The following CLGN variants were observed in gnomAD, a reference collection of about 807,000 sequenced individuals.
CLGN encodes the protein calmegin.
A neutral mutation model predicts 79.1 loss-of-function variants in CLGN; 62 were observed. The ratio of observed to expected loss-of-function variants is 0.78; its 90% CI spans 0.64 to 0.97. The LOEUF (loss-of-function observed/expected upper bound fraction) is 0.97. Ranked by LOEUF, CLGN falls within the 50% of genes least tolerant of loss-of-function variation. CLGN has a pLI of 0.00. For missense variants in CLGN, 647 were observed against 715.5 expected, an observed-to-expected ratio of 0.90 and a Z score of 1.09; for synonymous variants, 225 against 224.7, an observed-to-expected ratio of 1.00 and a Z score of -0.01.
intron 14 of CLGN, 91 bp from the exon 15 acceptor site, chr4:140,389,395 T>C (rs1728733181): frequency 2.2e-6 from 2 of 909,074 alleles, no homozygotes; most frequent in South Asian, 2.9e-5. Flanking sequence ...CTCTAAAATA[T>C]ATGTGCTATC....
intron 8 of CLGN, among the ~76,000 whole-genome samples, chr4:140,398,430 C>T (rs952376008): frequency 1.1e-4 from 17 of 151,758 alleles, no homozygotes; most frequent in African/African-American, 3.6e-4. Flanking sequence ...CCGCCATGCC[C>T]GCTAATTTTT....
intron 6 of CLGN, 145 bp downstream of exon 6, chr4:140,401,840 A>G: frequency 1.9e-6 from 1 of 523,474 alleles, no homozygotes; most frequent in Non-Finnish European, 3.3e-6. Context: ...GGCGAATTGT[A>G]AGAGCTATGT....
chr4:140,391,906 C>T (rs1019875585), intron 13 of CLGN, among the ~76,000 whole-genome samples: 2 of 151,800 alleles, frequency 1.3e-5, no homozygotes, highest in South Asian at 4.1e-4. Context: ...TATCACCCTC[C>T]ATCTCATCTT....
At chr4:140,419,068 T>C (rs992575833) in intron 1 of CLGN, among the ~76,000 whole-genome samples, 20 of 151,888 alleles carry the variant, frequency 1.3e-4, no homozygotes, top group African/African-American at 3.4e-4. Flanking sequence ...ATGGATGAAA[T>C]TGGAAAACAT....
chr4:140,390,518 A>G, intron 14 of CLGN, 110 bp downstream of exon 14: 1 of 599,866 alleles, frequency 1.7e-6, no homozygotes, highest in Non-Finnish European at 2.8e-6. Context: ...CTCTTATAAA[A>G]GCTGAGAGAA....
intron 14 of CLGN, 146 bp downstream of exon 14, chr4:140,390,482 G>T (rs893313445): frequency 2.0e-5 from 9 of 440,010 alleles, no homozygotes; most frequent in African/African-American, 1.4e-4. Flanking sequence ...CTTCCTTATG[G>T]ATATGTTTTA....
chr4:140,404,172 C>A (rs1386451898), intron 5 of CLGN, among the ~76,000 whole-genome samples: 1 of 152,048 alleles, frequency 6.6e-6, no homozygotes, highest in Non-Finnish European at 1.5e-5. Context: ...CGGCTCACTG[C>A]AAGCCCTGCC....
At chr4:140,400,301 A>G in intron 7 of CLGN, 56 bp downstream of exon 7, 3 of 1,284,928 alleles carry the variant, frequency 2.3e-6, no homozygotes, top group Non-Finnish European at 1.1e-6. Flanking sequence ...CTTGCCATGA[A>G]TACATCAATA....
In CLGN at chr4:140,396,206, C is replaced by CT. The variant is rs764911350; in HGVS notation, c.885-2dup. The CT allele has an allele frequency of 4.4e-6, 7 of 1,606,704 alleles. No individual in the cohort carries two copies. In the Admixed American group the frequency reaches 6.7e-5, roughly 15 times the overall value. ...TATTTGGGCAGGTTCACTTTCATCC[C>CT]TGTAAATACAACGTTTTATATTACT... is the stretch of plus-strand genomic sequence containing the variant. On this transcript the variant is annotated splice_acceptor_variant, in intron 8 of 14. Coordinates refer to ENST00000325617, the MANE Select transcript of CLGN (RefSeq NM_004362.3). LOFTEE classifies it high-confidence loss of function.
chr4:140,398,740 G>A (rs1728940967), intron 8 of CLGN, 111 bp downstream of exon 8: 1 of 834,992 alleles, frequency 1.2e-6, no homozygotes. Flanking sequence ...CTAAAAATAA[G>A]TAGTTCTGAT....
chr4:140,400,074 A>C (rs1728969568), intron 7 of CLGN, among the ~76,000 whole-genome samples: 1 of 152,292 alleles, frequency 6.6e-6, no homozygotes, highest in South Asian at 2.1e-4. Context: ...TCAACATTCT[A>C]TCTGTACTTC....
intron 1 of CLGN, among the ~76,000 whole-genome samples, chr4:140,416,070 A>T (rs571100742): frequency 4.5e-3 from 323 of 71,026 alleles, no homozygotes; most frequent in Middle Eastern, 0.015. Flanking sequence ...CTCAACTACA[A>T]GGAAACTGAA....
At chr4:140,425,959 C>T (rs1336682265) in intron 1 of CLGN, among the ~76,000 whole-genome samples, 1 of 152,028 alleles carries the variant, frequency 6.6e-6, no homozygotes, top group Non-Finnish European at 1.5e-5. Context: ...CTATTTAACA[C>T]ACTTTTTGTA....
intron 1 of CLGN, among the ~76,000 whole-genome samples, chr4:140,425,484 C>A (rs1227455057): frequency 6.7e-6 from 1 of 148,338 alleles, no homozygotes; most frequent in African/African-American, 2.5e-5. Flanking sequence ...ACAGGCATAC[C>A]TCATTTTACT....
At position 140,389,039 on chromosome 4, in the gene CLGN, A is replaced by G. The variant is rs1728725490; in HGVS notation, c.*185T>C. On this transcript the variant is annotated 3_prime_UTR_variant, in exon 15 of 15. Coordinates refer to ENST00000325617, the MANE Select transcript of CLGN (RefSeq NM_004362.3). ...TGCCACTTTTATTCTAAATTCAAAG[A>G]TGAGGTAACTTCAAAGTTGCTTCTT... 1.8e-6 allele frequency: 1 copy of G among 563,420 alleles called. No homozygotes were observed. The highest frequency in any genetic ancestry group is 2.4e-5 in the South Asian group (1 of 41,368). 34.9% of individuals were successfully genotyped at this position (563,420 alleles called of 1,614,324 possible).
intron 2 of CLGN, among the ~76,000 whole-genome samples, chr4:140,412,188 C>T (rs1042836731): frequency 5.9e-5 from 9 of 152,108 alleles, no homozygotes; most frequent in South Asian, 4.1e-4. Context: ...TGAAACAACA[C>T]ATTTGCCAAT....
intron 13 of CLGN, 29 bp downstream of exon 13, chr4:140,392,190 T>C: frequency 6.2e-7 from 1 of 1,607,072 alleles, no homozygotes; most frequent in South Asian, 1.1e-5. Context: ...ACCCAGAGTC[T>C]CCATTATAAA....
intron 2 of CLGN, 79 bp from the exon 3 acceptor site, chr4:140,410,705 A>AT: frequency 3.5e-6 from 3 of 863,670 alleles, no homozygotes; most frequent in Non-Finnish European, 5.7e-6. Flanking sequence ...AGTGAAGAAC[A>AT]TAGTATGTAA....
At chr4:140,405,501 G>C (rs1425573507) in intron 5 of CLGN, among the ~76,000 whole-genome samples, 1 of 152,120 alleles carries the variant, frequency 6.6e-6, no homozygotes, top group South Asian at 2.1e-4. Context: ...GTAATTTTAA[G>C]AGTAAAACAA....
Sources: allele counts gnomAD v4.1 joint callset (sites outside exome capture counted in the v4.1 genomes callset), GRCh38; gene constraint gnomAD v4.1.1; transcripts MANE v1.5; gene names NCBI Gene and HGNC (gene_info 2026-07-23, HGNC 2026-07-21).